FRMD4A: variants seen among roughly 807,000 people sequenced by gnomAD.
FRMD4A encodes the protein FERM domain-containing protein 4A.
Under a neutral mutation model 129.1 loss-of-function variants are expected in FRMD4A, and 29 were observed. That is an observed-to-expected ratio of 0.22 (90% CI 0.17 to 0.31). FRMD4A has a LOEUF of 0.31. Among genes scored for constraint, FRMD4A ranks in the 10% least tolerant of loss-of-function variants. The pLI is 1.00. For missense variants in FRMD4A, 1,272 were observed against 1,375.8 expected, an observed-to-expected ratio of 0.92 and a Z score of 1.19; for synonymous variants, 634 against 571.6, an observed-to-expected ratio of 1.11 and a Z score of -1.56.
intron 2 of FRMD4A, among the ~76,000 whole-genome samples, chr10:14,312,126 G>T (rs1371241859): frequency 6.6e-6 from 1 of 152,164 alleles, no homozygotes; most frequent in Non-Finnish European, 1.5e-5. Context: ...AGAAAGAGCG[G>T]GGAGCATTCT....
At chr10:13,887,418 C>T (rs753728480) in intron 2 of FRMD4A, among the ~76,000 whole-genome samples, 3 of 152,300 alleles carry the variant, frequency 2.0e-5, no homozygotes, top group Non-Finnish European at 2.9e-5. Context: ...CGGTGGCTCA[C>T]GCCTGTAATC....
In FRMD4A at chr10:13,654,526, G is replaced by C; in HGVS notation, c.2954-14C>G. ...GAGGTAAGGCAGCTACATGCAGGTG[G>C]TGCAAGAAAGGCAGAGAGCAGACAG... On this transcript the variant is annotated splice_polypyrimidine_tract_variant and intron_variant, in intron 22 of 24. Coordinates refer to ENST00000357447, the MANE Select transcript of FRMD4A (RefSeq NM_018027.5). 1 of 1,558,540 alleles carries C rather than the reference G, an allele frequency of 6.4e-7. No individual in the cohort carries two copies. Among genetic ancestry groups the C allele is most frequent in the Non-Finnish European group, 8.8e-7 (1 of 1,130,110 alleles).
intron 2 of FRMD4A, among the ~76,000 whole-genome samples, chr10:13,969,988 C>T (rs915324031): frequency 2.0e-5 from 3 of 152,184 alleles, no homozygotes; most frequent in Non-Finnish European, 4.4e-5. Flanking sequence ...AGCTTGGGGA[C>T]TTTTGACTCT....
chr10:14,098,480 T>C (rs964464720), intron 2 of FRMD4A, among the ~76,000 whole-genome samples: 3 of 152,198 alleles, frequency 2.0e-5, no homozygotes, highest in African/African-American at 4.8e-5. Flanking sequence ...CTTGGCTCAC[T>C]GCAAGCTCCG....
intron 2 of FRMD4A, among the ~76,000 whole-genome samples, chr10:14,312,113 G>A (rs1846570065): frequency 6.6e-6 from 1 of 152,310 alleles, no homozygotes. Flanking sequence ...CTCAGTGAAA[G>A]TAAGAAAGAG....
chr10:14,154,017 C>T (rs1404986446), intron 2 of FRMD4A, among the ~76,000 whole-genome samples: 2 of 152,158 alleles, frequency 1.3e-5, no homozygotes, highest in Non-Finnish European at 1.5e-5. Flanking sequence ...CCTCGCCATC[C>T]CCTGCTTGGC....
At position 13,958,000 on chromosome 10, in the gene FRMD4A, A is replaced by G. The variant is rs549871487; in HGVS notation, c.46-99088T>C. On this transcript the variant is annotated intron_variant, in intron 2 of 24. Transcript: ENST00000357447. ...CTGCCTGTTCTTCAACTTCCTCCCTAGATCCTGCTCTCGGCACAGCTTGCT... is the reference window on the plus strand; with the variant it reads ...CTGCCTGTTCTTCAACTTCCTCCCTGGATCCTGCTCTCGGCACAGCTTGCT... Among the ~76,000 whole-genome samples the G allele has an allele frequency of 3.0e-4, 46 of 152,052 alleles. 1 individual carries two copies. The highest frequency in any genetic ancestry group is 1.1e-3 in the African/African-American group (46 of 41,456).
rs1233420797 is a variant in FRMD4A at position 14,150,649 on chromosome 10, A to T, written c.45+179409T>A. ...GACCTAGAGGCTCTGCCAGTGATTT[A>T]TTTTTTCGTTTCTCTGTGCATATTC... On this transcript the variant is annotated intron_variant, in intron 2 of 24. Coordinates refer to ENST00000357447, the MANE Select transcript of FRMD4A (RefSeq NM_018027.5). Among the ~76,000 whole-genome samples the T allele has an allele frequency of 5.3e-5, 8 of 151,856 alleles. No homozygotes were observed. The East Asian group carries it at 1.4e-3, about 26-fold the overall frequency.
At chr10:13,784,602 C>A (rs1355002537) in intron 5 of FRMD4A, among the ~76,000 whole-genome samples, 3 of 152,168 alleles carry the variant, frequency 2.0e-5, no homozygotes, top group African/African-American at 7.2e-5. Context: ...GAGGAGAGTT[C>A]CTACACTGGA....
At chr10:14,023,637 C>T (rs1385874240) in intron 2 of FRMD4A, among the ~76,000 whole-genome samples, 1 of 152,176 alleles carries the variant, frequency 6.6e-6, no homozygotes, top group East Asian at 1.9e-4. Context: ...CCGTGGCCAA[C>T]AGAAAACCCT....
At chr10:14,187,106 A>AG (rs1403618967) in intron 2 of FRMD4A, among the ~76,000 whole-genome samples, 1 of 143,590 alleles carries the variant, frequency 7.0e-6, no homozygotes, top group Non-Finnish European at 1.5e-5. Context: ...GTGACAGAGC[A>AG]AGGCTCTGTC....
intron 2 of FRMD4A, among the ~76,000 whole-genome samples, chr10:13,867,551 A>G (rs1460642373): frequency 6.8e-6 from 1 of 146,066 alleles, no homozygotes; most frequent in East Asian, 1.9e-4. Flanking sequence ...GTGAGCCACC[A>G]CTTTCAGCCC....
At chr10:13,943,042 G>A (rs1451643766) in intron 2 of FRMD4A, among the ~76,000 whole-genome samples, 1 of 151,882 alleles carries the variant, frequency 6.6e-6, no homozygotes, top group Non-Finnish European at 1.5e-5. Flanking sequence ...AAAGGGGGAG[G>A]TGGTTCATAG....
At chr10:13,700,219 A>G (rs561519877) in intron 14 of FRMD4A, among the ~76,000 whole-genome samples, 36 of 151,938 alleles carry the variant, frequency 2.4e-4, no homozygotes, top group South Asian at 6.3e-4. Flanking sequence ...AAGCGCTGAG[A>G]CTACAGATGT....
intron 2 of FRMD4A, among the ~76,000 whole-genome samples, chr10:14,300,258 C>T (rs1049791822): frequency 1.3e-5 from 2 of 152,152 alleles, no homozygotes; most frequent in African/African-American, 2.4e-5. Flanking sequence ...TATTCTGTAA[C>T]AGTCAACTCT....
At chr10:13,873,892 A>G (rs1201569773) in intron 2 of FRMD4A, among the ~76,000 whole-genome samples, 2 of 152,052 alleles carry the variant, frequency 1.3e-5, no homozygotes, top group East Asian at 3.9e-4. Context: ...CAATAAAAGA[A>G]CCTTTAAAGA....
At chr10:13,931,415 C>T (rs2095193182) in intron 2 of FRMD4A, among the ~76,000 whole-genome samples, 1 of 152,116 alleles carries the variant, frequency 6.6e-6, no homozygotes, top group Non-Finnish European at 1.5e-5. Flanking sequence ...TCATCCATTG[C>T]TGTGCCCCCC....
At chr10:14,119,443 C>T (rs1838378507) in intron 2 of FRMD4A, among the ~76,000 whole-genome samples, 1 of 152,164 alleles carries the variant, frequency 6.6e-6, no homozygotes, top group Admixed American at 6.5e-5. Context: ...ATATAACGTT[C>T]CCCTTCCTAA....
At chr10:14,034,763 C>T (rs189557480) in intron 2 of FRMD4A, among the ~76,000 whole-genome samples, 4 of 152,284 alleles carry the variant, frequency 2.6e-5, no homozygotes, top group Admixed American at 2.6e-4. Flanking sequence ...CAGTGCTGTG[C>T]CTGACACCAG....
Sources: allele counts gnomAD v4.1 joint callset (sites outside exome capture counted in the v4.1 genomes callset), GRCh38; gene constraint gnomAD v4.1.1; transcripts MANE v1.5; gene names NCBI Gene and HGNC (gene_info 2026-07-23, HGNC 2026-07-21).